The following RGS22 variants were observed in gnomAD, a reference collection of about 807,000 sequenced individuals.
RGS22 encodes the protein regulator of G-protein signaling 22.
RGS22 carries 148 observed loss-of-function variants against 172.9 expected under a neutral mutation model. That is an observed-to-expected ratio of 0.86 (90% CI 0.75 to 0.98). RGS22 has a LOEUF of 0.98. Ranked by LOEUF, RGS22 falls within the 50% of genes least tolerant of loss-of-function variation. RGS22 has a pLI of 0.00. For synonymous variants in RGS22, 458 were observed against 480.2 expected, an observed-to-expected ratio of 0.95 and a Z score of 0.60; for missense variants, 1,347 against 1,440.8, an observed-to-expected ratio of 0.93 and a Z score of 1.05.
intron 3 of RGS22, among the ~76,000 whole-genome samples, chr8:100,082,939 G>A (rs770699568): frequency 8.5e-5 from 13 of 152,140 alleles, no homozygotes; most frequent in East Asian, 1.9e-4. Context: ...AAGAATAGCC[G>A]TAGTTGGAAT....
intron 14 of RGS22, among the ~76,000 whole-genome samples, chr8:100,032,283 G>A (rs181924391): frequency 6.6e-6 from 1 of 152,228 alleles, no homozygotes; most frequent in East Asian, 1.9e-4. Context: ...CTCACGTGCA[G>A]AGACACATAT....
chr8:100,002,671 A>G (rs1416337563), intron 17 of RGS22, among the ~76,000 whole-genome samples: 2 of 152,242 alleles, frequency 1.3e-5, no homozygotes, highest in Admixed American at 6.5e-5. Flanking sequence ...CATCAATTTC[A>G]AAAATGAGAA....
At position 99,987,535 on chromosome 8, in the gene RGS22, A is replaced by C. The variant is rs1158661595; in HGVS notation, c.3103T>G (p.Phe1035Val). ...CCTTTTAGAGCCACAAAACGTTGAAATTGTCTTGAAGTAACTGGATTCAAT... is the reference window on the plus strand; with the variant it reads ...CCTTTTAGAGCCACAAAACGTTGAACTTGTCTTGAAGTAACTGGATTCAAT... ...ALLNPVTSRQ[F>V]QRFVALKGDL... is the part of the protein sequence containing the mutation. Residue 1035 changes from phenylalanine to valine, a missense_variant, in exon 21 of 28, where the codon TTT (phenylalanine) becomes GTT (valine). Physicochemically the swap from Phe to Val is conservative, Grantham distance 50. Coordinates refer to ENST00000360863, the MANE Select transcript of RGS22 (RefSeq NM_015668.5). 6.2e-7 allele frequency: 1 copy of C among 1,611,958 alleles called. No individual in the cohort carries two copies. Among genetic ancestry groups the C allele is most frequent in the African/African-American group, 1.3e-5 (1 of 74,868 alleles).
At chr8:100,005,160 A>T (rs988347810) in intron 16 of RGS22, among the ~76,000 whole-genome samples, 1 of 152,056 alleles carries the variant, frequency 6.6e-6, no homozygotes, top group African/African-American at 2.4e-5. Flanking sequence ...AGCTAGTAGT[A>T]GTGTATCAAA....
intron 2 of RGS22, among the ~76,000 whole-genome samples, chr8:100,100,764 T>G (rs573503897): frequency 6.6e-6 from 1 of 152,136 alleles, no homozygotes; most frequent in African/African-American, 2.4e-5. Context: ...AAATAGAAAT[T>G]TGAACAGACT....
intron 4 of RGS22, among the ~76,000 whole-genome samples, chr8:100,078,801 A>AT (rs555345852): frequency 2.4e-4 from 37 of 151,918 alleles, no homozygotes; most frequent in African/African-American, 6.8e-4. Flanking sequence ...TAATTTTTGT[A>AT]TTTTTTGTAG....
chr8:100,001,991 G>A (rs531173803), intron 18 of RGS22, among the ~76,000 whole-genome samples: 18 of 152,188 alleles, frequency 1.2e-4, no homozygotes, highest in African/African-American at 4.3e-4. Context: ...ACTTTTTAGA[G>A]TAACACATTT....
At chr8:100,032,380 A>C (rs1397704703) in intron 14 of RGS22, among the ~76,000 whole-genome samples, 1 of 152,196 alleles carries the variant, frequency 6.6e-6, no homozygotes, top group African/African-American at 2.4e-5. Context: ...GTCTCTGATA[A>C]AACAGACTTT....
intron 3 of RGS22, among the ~76,000 whole-genome samples, chr8:100,087,482 T>C (rs1812249310): frequency 6.6e-6 from 1 of 152,138 alleles, no homozygotes; most frequent in Non-Finnish European, 1.5e-5. Context: ...AGTAAATTGC[T>C]GGTTCCACAT....
chr8:99,996,953 C>A (rs892308096), intron 19 of RGS22, among the ~76,000 whole-genome samples: 4 of 152,162 alleles, frequency 2.6e-5, no homozygotes, highest in African/African-American at 9.7e-5. Context: ...CATATCATTT[C>A]CCCTTTCTTG....
chr8:99,996,629 TG>T (rs1356710208), intron 19 of RGS22, 99 bp from the exon 20 acceptor site: 1 of 1,001,544 alleles, frequency 1.0e-6, no homozygotes, highest in Non-Finnish European at 1.5e-6. Context: ...AAGGTTAACT[TG>T]GACAAGAGAT....
Position 100,052,874 on chromosome 8 carries a change from G to C in RGS22, c.1617C>G (p.Asp539Glu), listed in dbSNP as rs767093843. ...AGAGGGTTGCCATTTGTGGAAAAGG[G>C]TCAATATCCTTCCTTGGTTTTGCTT... is the stretch of plus-strand genomic sequence containing the variant. ...LRQAKPRKDI[D>E]PFPQMATLLP... The change falls in exon 10 of 28, where the codon GAC becomes GAG. Residue 539 changes from aspartate (D) to glutamate (E), a missense_variant. Asp to Glu is a conservative substitution (Grantham distance 45, BLOSUM62 2). Coordinates refer to ENST00000360863, the MANE Select transcript of RGS22 (RefSeq NM_015668.5). 3 of 1,614,072 alleles carry C rather than the reference G, an allele frequency of 1.9e-6. No individual in the cohort carries two copies. In the East Asian group the frequency reaches 6.7e-5, roughly 36 times the overall value.
chr8:99,975,941 G>T (rs1811879257), intron 23 of RGS22, among the ~76,000 whole-genome samples: 2 of 152,296 alleles, frequency 1.3e-5, no homozygotes, highest in Non-Finnish European at 1.5e-5. Context: ...TGTAATCCAA[G>T]CACTTTGGGA....
intron 14 of RGS22, among the ~76,000 whole-genome samples, chr8:100,031,269 C>T (rs1563640325): frequency 6.6e-6 from 1 of 152,092 alleles, no homozygotes; most frequent in African/African-American, 2.4e-5. Flanking sequence ...ATGCCACATT[C>T]TGTGATTTTT....
intron 14 of RGS22, among the ~76,000 whole-genome samples, chr8:100,026,134 T>C (rs1816428967): frequency 6.6e-6 from 1 of 152,194 alleles, no homozygotes; most frequent in African/African-American, 2.4e-5. Context: ...ATTGATTTAC[T>C]GGTTTGTACA....
chr8:100,056,705 A>G (rs1809647037), intron 9 of RGS22, among the ~76,000 whole-genome samples: 1 of 152,026 alleles, frequency 6.6e-6, no homozygotes, highest in Non-Finnish European at 1.5e-5. Flanking sequence ...TCAGGAATTG[A>G]GGTTTGGGAA....
chr8:100,088,892 A>T (rs1812351883), intron 3 of RGS22, among the ~76,000 whole-genome samples: 1 of 151,718 alleles, frequency 6.6e-6, no homozygotes, highest in South Asian at 2.1e-4. Context: ...CTATATCTAC[A>T]CTCTAGGGCT....
chr8:99,971,882 A>C (rs1158924960), intron 23 of RGS22, among the ~76,000 whole-genome samples: 2 of 152,220 alleles, frequency 1.3e-5, no homozygotes, highest in Admixed American at 6.5e-5. Context: ...CTTTCTTCAC[A>C]GAGCTAGAAA....
chr8:100,025,470 C>T (rs1457446745), intron 14 of RGS22, among the ~76,000 whole-genome samples: 4 of 152,182 alleles, frequency 2.6e-5, no homozygotes, highest in Non-Finnish European at 5.9e-5. Context: ...TCACCCATGT[C>T]CATTCATCTT....
Sources: gnomAD v4.1 joint callset for allele counts (sites outside exome capture counted in the v4.1 genomes callset) on GRCh38, gnomAD v4.1.1 for gene constraint, MANE v1.5 for transcripts, NCBI Gene and HGNC (gene_info 2026-07-23, HGNC 2026-07-21) for gene names.